Variants in TMEM204 observed in about 807,000 individuals in gnomAD.
TMEM204 encodes the protein transmembrane protein 204, also known as claudin-like protein 24.
TMEM204 carries 15 observed loss-of-function variants against 19.4 expected under a neutral mutation model. The observed-to-expected ratio is 0.77, with a 90% CI of 0.52 to 1.19. The LOEUF (loss-of-function observed/expected upper bound fraction) is 1.19, where lower values mean the gene tolerates loss of function less well. TMEM204 is among the 50% of genes most tolerant of loss of function. The pLI is 0.00. For missense variants in TMEM204, 287 were observed against 321.2 expected (o/e 0.89, Z 0.81); for synonymous variants, 161 against 146.0 (o/e 1.10, Z -0.74).
At chr16:1,552,386 G>A (rs2032724800) in intron 2 of TMEM204, among the ~76,000 whole-genome samples, 1 of 151,924 alleles carries the variant, frequency 6.6e-6, no homozygotes, top group Admixed American at 6.6e-5. Flanking sequence ...GCTCTCCGCT[G>A]TGCCTGCCCT....
In TMEM204 at chr16:1,554,789, C is replaced by T; in HGVS notation, c.444C>T (p.Val148=). Residue 148 remains valine (V), a synonymous_variant, in exon 3 of 3, where the codon GTC becomes GTT. Coordinates refer to ENST00000566264, the MANE Select transcript of TMEM204 (RefSeq NM_024600.6). ...CCCTTCTCTCATCTGCAGGTTTTGTCCTGGTCATCGGGCTCGTGACTTTCT... is the reference window on the plus strand; with the variant it reads ...CCCTTCTCTCATCTGCAGGTTTTGTTCTGGTCATCGGGCTCGTGACTTTCT... ...MAAAFQLASF[V]LVIGLVTFYR... The T allele has an allele frequency of 6.2e-7, 1 of 1,614,180 alleles. No individual in the cohort carries two copies. The highest frequency in any genetic ancestry group is 8.5e-7 in the Non-Finnish European group (1 of 1,180,018).
chr16:1,544,936 C>T (rs559661747), intron 2 of TMEM204, among the ~76,000 whole-genome samples: 1 of 152,340 alleles, frequency 6.6e-6, no homozygotes, highest in South Asian at 2.1e-4. Flanking sequence ...GCGTGAGCCA[C>T]GGCACCCGGC....
chr16:1,553,596 G>A lies in TMEM204; in HGVS notation c.437-1186G>A, dbSNP rs2032855595. The stretch of plus-strand genomic sequence containing the variant: ...CAGTGTAAGTTACAGAGAGTCTCTG[G>A]CACTTTGGGTACAAGAAACAGACTC... On this transcript the variant is annotated intron_variant, in intron 2 of 2. Transcript: ENST00000566264. This position sits in a 1 kb window ranked among gnomAD's most constrained non-coding sequence, Gnocchi z 4.4. 23 of 1,026,468 alleles carry A rather than the reference G, an allele frequency of 2.2e-5. No homozygotes were observed. Among genetic ancestry groups the A allele is most frequent in the Non-Finnish European group, 2.6e-5 (22 of 852,994 alleles). 63.6% of individuals were successfully genotyped at this position (1,026,468 alleles called of 1,614,324 possible). A position where few individuals can be genotyped will look rare whatever the true frequency, so the allele number is the denominator to read the frequency against.
At chr16:1,550,136 C>T (rs2281228) in intron 2 of TMEM204, among the ~76,000 whole-genome samples, 35,084 of 152,032 alleles carry the variant, frequency 0.23, 4,346 homozygotes, top group South Asian at 0.33. Context: ...GGCAGGGTTT[C>T]ACTATGTTGC....
chr16:1,544,247 A>G (rs6600153), intron 2 of TMEM204, among the ~76,000 whole-genome samples: 42,557 of 150,050 alleles, frequency 0.28, 7,253 homozygotes, highest in African/African-American at 0.47. Context: ...GCCGTGGCAC[A>G]ATCTCGGCTC....
chr16:1,548,313 C>A (rs984761814), intron 2 of TMEM204, among the ~76,000 whole-genome samples: 1 of 152,210 alleles, frequency 6.6e-6, no homozygotes, highest in Non-Finnish European at 1.5e-5. Flanking sequence ...CACTCTGCCA[C>A]CTGTGTGCAT....
chr16:1,530,059 G>A (rs773655796), upstream of TMEM204, among the ~76,000 whole-genome samples: 5 of 151,336 alleles, frequency 3.3e-5, no homozygotes, highest in Non-Finnish European at 5.9e-5. Flanking sequence ...CGTGATGGCC[G>A]CTTCGTAAAC....
chr16:1,535,204 G>A (rs958450861), intron 1 of TMEM204, among the ~76,000 whole-genome samples: 2 of 152,128 alleles, frequency 1.3e-5, no homozygotes, highest in African/African-American at 2.4e-5. Context: ...CAGATGGGAC[G>A]CTGGAAAGGA....
chr16:1,541,541 G>A (rs2031635053), intron 1 of TMEM204: 1 of 980,002 alleles, frequency 1.0e-6, no homozygotes. Flanking sequence ...TGACAGGGAA[G>A]CCGGTGTTGC....
chr16:1,549,227 G>A (rs2032434909), intron 2 of TMEM204, among the ~76,000 whole-genome samples: 1 of 152,188 alleles, frequency 6.6e-6, no homozygotes, highest in African/African-American at 2.4e-5. Context: ...AACAAAAGCC[G>A]ACGCTGCTCT....
At chr16:1,544,576 C>T (rs1424800469) in intron 2 of TMEM204, among the ~76,000 whole-genome samples, 10 of 152,006 alleles carry the variant, frequency 6.6e-5, no homozygotes, top group Non-Finnish European at 1.2e-4. Flanking sequence ...GTGATCCACC[C>T]ACCTCAGCCT....
Position 1,534,098 on chromosome 16 carries a change from A to G in TMEM204, c.-178A>G. 2.8e-6 allele frequency: 2 copies of G among 722,458 alleles called. No individual in the cohort carries two copies. Among genetic ancestry groups the G allele is most frequent in the Non-Finnish European group, 4.3e-6 (2 of 464,358 alleles). The allele number at this position is 722,458 out of a possible 1,614,324, so 44.8% of individuals were successfully genotyped here. A position where few individuals can be genotyped will look rare whatever the true frequency, so the allele number is the denominator to read the frequency against. On this transcript the variant is annotated 5_prime_UTR_variant, in exon 1 of 3. Transcript: ENST00000566264. ...CCCTGCTCCAGGTGCAGGAAGGAGG[A>G]TAAGGCCGGGCCGAGAGGCGGCACA...
chr16:1,550,637 G>A (rs1265094398), intron 2 of TMEM204, among the ~76,000 whole-genome samples: 2 of 152,186 alleles, frequency 1.3e-5, no homozygotes, highest in Admixed American at 6.5e-5. Flanking sequence ...GCCGGGCTCA[G>A]TTCTGCCTAC....
At chr16:1,542,567 T>TA (rs2031753186) in intron 2 of TMEM204, among the ~76,000 whole-genome samples, 1 of 152,196 alleles carries the variant, frequency 6.6e-6, no homozygotes, top group South Asian at 2.1e-4. Flanking sequence ...TGTGCTCTGT[T>TA]ATAAACGCAG....
At chr16:1,541,388 C>T in intron 1 of TMEM204, 1 of 985,456 alleles carries the variant, frequency 1.0e-6, no homozygotes, top group Non-Finnish European at 1.2e-6. Context: ...TCCCAAGTCC[C>T]TCAGCTGCTG....
At chr16:1,542,851 C>G (rs541566899) in intron 2 of TMEM204, among the ~76,000 whole-genome samples, 1 of 152,334 alleles carries the variant, frequency 6.6e-6, no homozygotes, top group East Asian at 1.9e-4. Context: ...CCTCTCAACG[C>G]TCTAGACCCA....
At chr16:1,540,794 A>G in intron 1 of TMEM204, 3 of 978,898 alleles carry the variant, frequency 3.1e-6, no homozygotes, top group Non-Finnish European at 3.6e-6. Flanking sequence ...ATAACGACTT[A>G]GTTTTGGGAA....
intron 2 of TMEM204, among the ~76,000 whole-genome samples, chr16:1,549,962 G>T (rs1015491801): frequency 1.3e-5 from 2 of 152,108 alleles, no homozygotes; most frequent in East Asian, 1.9e-4. Flanking sequence ...TACATTCTGA[G>T]TCTTTTTTTC....
At chr16:1,548,110 TCTC>T (rs1399670645) in intron 2 of TMEM204, among the ~76,000 whole-genome samples, 1 of 152,228 alleles carries the variant, frequency 6.6e-6, no homozygotes, top group Non-Finnish European at 1.5e-5. Flanking sequence ...TCCCAGGGCC[TCTC>T]CCTCTAGAGA....
Sources: allele counts gnomAD v4.1 joint callset (sites outside exome capture counted in the v4.1 genomes callset), GRCh38; gene constraint gnomAD v4.1.1; non-coding constraint Gnocchi (gnomAD v3.1); transcripts MANE v1.5; gene names NCBI Gene and HGNC (gene_info 2026-07-23, HGNC 2026-07-21).